Variants in TOX observed in about 807,000 individuals in gnomAD.
The protein encoded by TOX is thymocyte selection associated high mobility group box.
In TOX, 11 loss-of-function variants were observed where a neutral mutation model predicts 53.7. That is an observed-to-expected ratio of 0.20 (90% CI 0.13 to 0.34). The LOEUF (loss-of-function observed/expected upper bound fraction) is 0.34. Among genes scored for constraint, TOX ranks in the 10% least tolerant of loss-of-function variants. TOX has a pLI of 1.00. For missense variants in TOX, 570 were observed against 664.6 expected (o/e 0.86, Z 1.56); for synonymous variants, 225 against 245.3 (o/e 0.92, Z 0.77).
At chr8:58,811,116 T>C (rs1810069219) in intron 7 of TOX, among the ~76,000 whole-genome samples, 1 of 152,160 alleles carries the variant, frequency 6.6e-6, no homozygotes, top group Admixed American at 6.5e-5. Context: ...ATTTAGCAAA[T>C]GACACATTCC....
chr8:59,022,897 CA>C (rs761915261), intron 1 of TOX, among the ~76,000 whole-genome samples: 14 of 152,124 alleles, frequency 9.2e-5, no homozygotes, highest in East Asian at 5.8e-4. Context: ...ACCCAGCTTA[CA>C]GTTTGGAATT....
intron 2 of TOX, among the ~76,000 whole-genome samples, chr8:58,947,522 A>G (rs779043828): frequency 3.3e-5 from 5 of 152,178 alleles, no homozygotes; most frequent in Non-Finnish European, 5.9e-5. Flanking sequence ...ACATTACTTA[A>G]TTCCTCCAGA....
chr8:58,933,566 A>AG (rs1812294950), intron 3 of TOX, among the ~76,000 whole-genome samples: 1 of 146,520 alleles, frequency 6.8e-6, no homozygotes, highest in South Asian at 2.4e-4. Flanking sequence ...TAAACTTTGA[A>AG]GGGGGGTGGG....
At chr8:59,017,904 G>T (rs563789810) in intron 1 of TOX, among the ~76,000 whole-genome samples, 113 of 152,182 alleles carry the variant, frequency 7.4e-4, no homozygotes, top group African/African-American at 2.6e-3. Context: ...GTTGGTTTCC[G>T]TCTCCCTCAA....
intron 6 of TOX, among the ~76,000 whole-genome samples, chr8:58,817,187 C>T (rs1810195668): frequency 6.6e-6 from 1 of 151,968 alleles, no homozygotes; most frequent in African/African-American, 2.4e-5. Flanking sequence ...AATTCCAGCC[C>T]CTTTGGAGAG....
intron 1 of TOX, among the ~76,000 whole-genome samples, chr8:58,993,162 A>C (rs1482593352): frequency 1.3e-5 from 2 of 152,126 alleles, no homozygotes; most frequent in African/African-American, 2.4e-5. Flanking sequence ...GGATGGACAG[A>C]ACAGTGAAGG....
chr8:58,881,290 G>A lies in TOX; in HGVS notation c.412-29485C>T, dbSNP rs371796770. ...CTCATGAAATTAGGAGATTATCTTC[G>A]AATAAAGTATTATCCTCTAAAGACA... On this transcript the variant is annotated intron_variant, in intron 3 of 8. Transcript: ENST00000361421. 4.6e-5 allele frequency among the ~76,000 whole-genome samples: 7 copies of A among 152,126 alleles called. No homozygotes were observed. The South Asian group carries it at 1.5e-3, about 32-fold the overall frequency.
chr8:58,989,574 T>C (rs1406155477), intron 1 of TOX, among the ~76,000 whole-genome samples: 1 of 152,188 alleles, frequency 6.6e-6, no homozygotes, highest in Admixed American at 6.5e-5. Context: ...TGAGTAATTG[T>C]TTTTCCTTTA....
At chr8:59,062,284 C>A (rs1803999408) in intron 1 of TOX, among the ~76,000 whole-genome samples, 1 of 152,104 alleles carries the variant, frequency 6.6e-6, no homozygotes, top group Non-Finnish European at 1.5e-5. Context: ...TCTGGGGAGG[C>A]AACTCCTTAA....
At chr8:59,092,828 C>T (rs573965108) in intron 1 of TOX, among the ~76,000 whole-genome samples, 11 of 152,106 alleles carry the variant, frequency 7.2e-5, no homozygotes, top group Non-Finnish European at 1.6e-4. Flanking sequence ...CCTATTTGTG[C>T]GTCTCTCTTT....
chr8:58,991,181 A>C (rs1312363860), intron 1 of TOX, among the ~76,000 whole-genome samples: 1 of 152,206 alleles, frequency 6.6e-6, no homozygotes, highest in Non-Finnish European at 1.5e-5. Flanking sequence ...AACCAGAAAA[A>C]TGTGCTGACA....
At position 58,994,373 on chromosome 8, in the gene TOX, A is replaced by G. The variant is rs75107993; in HGVS notation, c.103-34365T>C. On this transcript the variant is annotated intron_variant, in intron 1 of 8. Coordinates refer to ENST00000361421, the MANE Select transcript of TOX (RefSeq NM_014729.3). ...AAGGTCATATATCCCTATTTAGTTT[A>G]TAGCTTTCAAAATGCCAAGTGTGTG... is the stretch of plus-strand genomic sequence containing the variant. Among the ~76,000 whole-genome samples the G allele has an allele frequency of 6.3e-3, 955 of 151,044 alleles. 14 individuals are homozygous for G. The highest frequency in any genetic ancestry group is 0.022 in the African/African-American group (894 of 41,224).
At chr8:59,046,140 G>A (rs915394108) in intron 1 of TOX, among the ~76,000 whole-genome samples, 2 of 152,060 alleles carry the variant, frequency 1.3e-5, no homozygotes, top group African/African-American at 2.4e-5. Flanking sequence ...CCTCCATGTT[G>A]CATGTTTTCA....
At chr8:58,880,775 T>C (rs1281695153) in intron 3 of TOX, among the ~76,000 whole-genome samples, 1 of 152,176 alleles carries the variant, frequency 6.6e-6, no homozygotes, top group Non-Finnish European at 1.5e-5. Flanking sequence ...TCCAGCTAAG[T>C]TATTTATGGC....
chr8:59,070,380 A>T (rs1804173817), intron 1 of TOX, among the ~76,000 whole-genome samples: 1 of 151,912 alleles, frequency 6.6e-6, no homozygotes. Context: ...GAACATGCAA[A>T]CCTCTATCTA....
intron 1 of TOX, among the ~76,000 whole-genome samples, chr8:59,057,273 T>A (rs1196945836): frequency 6.6e-6 from 1 of 152,126 alleles, no homozygotes; most frequent in African/African-American, 2.4e-5. Context: ...ACTGGCCATA[T>A]CTTGTAGAAA....
chr8:58,831,310 A>G (rs191719309), intron 5 of TOX, among the ~76,000 whole-genome samples: 34 of 152,264 alleles, frequency 2.2e-4, no homozygotes, highest in African/African-American at 7.9e-4. Flanking sequence ...ATGCTTACCA[A>G]TCTATTGAGT....
chr8:59,011,388 C>A (rs1206695204), intron 1 of TOX, among the ~76,000 whole-genome samples: 1 of 152,208 alleles, frequency 6.6e-6, no homozygotes, highest in African/African-American at 2.4e-5. Context: ...CAGAAACCAG[C>A]ATGCCAGGCT....
intron 3 of TOX, among the ~76,000 whole-genome samples, chr8:58,872,989 TA>T (rs1262130334): frequency 6.6e-6 from 1 of 152,138 alleles, no homozygotes; most frequent in Non-Finnish European, 1.5e-5. Flanking sequence ...ATTTTCACAA[TA>T]TTTTTTTAAA....
Sources: gnomAD v4.1 joint callset for allele counts (sites outside exome capture counted in the v4.1 genomes callset) on GRCh38, gnomAD v4.1.1 for gene constraint, MANE v1.5 for transcripts, NCBI Gene and HGNC (gene_info 2026-07-23, HGNC 2026-07-21) for gene names.